Variants in IMPDH1 observed in about 807,000 individuals in gnomAD.
The protein encoded by IMPDH1 is inosine-5'-monophosphate dehydrogenase 1.
A neutral mutation model predicts 73.5 loss-of-function variants in IMPDH1; 41 were observed. The ratio of observed to expected loss-of-function variants is 0.56; its 90% CI spans 0.43 to 0.72. IMPDH1 has a LOEUF of 0.72. Among genes scored for constraint, IMPDH1 ranks in the 30% least tolerant of loss-of-function variants. The pLI, the probability that IMPDH1 is intolerant of heterozygous loss-of-function variation, is 0.00. For synonymous variants in IMPDH1, 318 were observed against 334.3 expected, an observed-to-expected ratio of 0.95 and a Z score of 0.53; for missense variants, 645 against 824.8, an observed-to-expected ratio of 0.78 and a Z score of 2.67.
Position 128,409,480 on chromosome 7 carries a change from T to C in IMPDH1, c.151A>G (p.Arg51Gly), listed in dbSNP as rs1403372495. 1.2e-6 allele frequency: 2 copies of C among 1,614,152 alleles called. No homozygotes were observed. Among genetic ancestry groups the C allele is most frequent in the African/African-American group, 1.3e-5 (1 of 75,044 alleles). The change falls in exon 2 of 17, where the codon AGA (arginine) becomes GGA (glycine). Residue 51 changes from arginine to glycine, a missense_variant. Arg to Gly is a moderately radical substitution (Grantham distance 125). This residue lies in a region of IMPDH1 where 186 missense variants were observed against 186.6 expected (regional missense o/e 1.00). Coordinates refer to ENST00000338791, the MANE Select transcript of IMPDH1 (RefSeq NM_000883.4). ...GTCGGGTGTGTAGCGAGGTCCAATC[T>C]AGGGCTAAGATTTTAGGGAAGGTTT... ...LQAGYEPESPRLDLATHPTTP... is the reference protein window; with the variant it reads ...LQAGYEPESPGLDLATHPTTP...
rs1797921123 is a variant in IMPDH1 at position 128,396,487 on chromosome 7, C to T, written c.1261+113G>A. 8.9e-6 allele frequency: 8 copies of T among 900,526 alleles called. No homozygotes were observed. The highest frequency in any genetic ancestry group is 5.6e-5 in the South Asian group (4 of 70,976). 55.8% of individuals were successfully genotyped at this position (900,526 alleles called of 1,614,324 possible). ...GGTGGGGCCCATGCCTGGGTCACCC[C>T]GGAGCCTACCATGGCAGAACAGGGC... On this transcript the variant is annotated intron_variant, in intron 12 of 16. Coordinates refer to ENST00000338791, the MANE Select transcript of IMPDH1 (RefSeq NM_000883.4). This position sits in a 1 kb window ranked among gnomAD's most constrained non-coding sequence, Gnocchi z 4.0.
At chr7:128,405,733 G>A in intron 4 of IMPDH1, 34 bp downstream of exon 4, 1 of 1,520,674 alleles carries the variant, frequency 6.6e-7, no homozygotes, top group Non-Finnish European at 8.8e-7. Context: ...GCGCGTGGAT[G>A]CGCGCACCTA....
chr7:128,396,417 C>T lies in IMPDH1; in HGVS notation c.1261+183G>A, dbSNP rs1255692066. On this transcript the variant is annotated intron_variant, in intron 12 of 16. Coordinates refer to ENST00000338791, the MANE Select transcript of IMPDH1 (RefSeq NM_000883.4). This position sits in a 1 kb window ranked among gnomAD's most constrained non-coding sequence, Gnocchi z 4.0. The stretch of plus-strand genomic sequence containing the variant: ...TCTGAGAAGCAGGCTGCAGCTCTTG[C>T]ACCCTGCTTACACCTGCCTTCCCCT... 6.6e-6 allele frequency among the ~76,000 whole-genome samples: 1 copy of T among 152,256 alleles called. No individual in the cohort carries two copies. The highest frequency in any genetic ancestry group is 1.5e-5 in the Non-Finnish European group (1 of 68,034).
Position 128,396,849 on chromosome 7 carries a change from T to C in IMPDH1, c.1165+83A>G, listed in dbSNP as rs1797952051. On this transcript the variant is annotated intron_variant, in intron 11 of 16. Coordinates refer to ENST00000338791, the MANE Select transcript of IMPDH1 (RefSeq NM_000883.4). The surrounding 1 kb of genome is among the most constrained non-coding windows in gnomAD (Gnocchi z 4.0). ...GCCACCCATGCCAGGAGCCATACCATCACCTAGGGATGCTGAAGGACAGAA... is the reference window on the plus strand; with the variant it reads ...GCCACCCATGCCAGGAGCCATACCACCACCTAGGGATGCTGAAGGACAGAA... 8.3e-7 allele frequency: 1 copy of C among 1,211,862 alleles called. No homozygotes were observed. The highest frequency in any genetic ancestry group is 1.2e-5 in the South Asian group (1 of 81,890). 75.1% of individuals were successfully genotyped at this position (1,211,862 alleles called of 1,614,324 possible).
At chr7:128,401,212 G>A (rs1798313419) in intron 5 of IMPDH1, 96 bp from the exon 6 acceptor site, 5 of 861,282 alleles carry the variant, frequency 5.8e-6, no homozygotes, top group Non-Finnish European at 9.6e-6. Context: ...ACAGGCCCTG[G>A]GGACATGGCA....
chr7:128,402,475 A>T (rs1798407503), intron 5 of IMPDH1, among the ~76,000 whole-genome samples: 1 of 152,210 alleles, frequency 6.6e-6, no homozygotes. Flanking sequence ...ACTGGCCAGT[A>T]AACTTTGTTA....
At position 128,394,528 on chromosome 7, in the gene IMPDH1, A is replaced by C; in HGVS notation, c.1622T>G (p.Phe541Cys). The part of the protein sequence containing the change: ...SIQDKGSIQK[F>C]VPYLIAGIQH... ...GATGCCTGCTATGAGGTAGGGCACG[A>C]ACTTCTGAATGGATCCTTTGTCCTG... The change falls in exon 15 of 17, where the codon TTC (phenylalanine) becomes TGC (cysteine). Residue 541 changes from phenylalanine to cysteine, a missense_variant. Coordinates refer to ENST00000338791, the MANE Select transcript of IMPDH1 (RefSeq NM_000883.4). The surrounding 1 kb of genome is among the most constrained non-coding windows in gnomAD (Gnocchi z 5.5). 6.2e-7 allele frequency: 1 copy of C among 1,613,964 alleles called. No individual in the cohort carries two copies. Among genetic ancestry groups the C allele is most frequent in the Non-Finnish European group, 8.5e-7 (1 of 1,179,974 alleles).
rs1797769213 is a variant in IMPDH1 at position 128,394,514 on chromosome 7, T to C, written c.1636A>G (p.Ile546Val). 1 of 1,613,708 alleles carries C rather than the reference T, an allele frequency of 6.2e-7. No individual in the cohort carries two copies. The highest frequency in any genetic ancestry group is 1.1e-5 in the South Asian group (1 of 91,070). Residue 546 changes from isoleucine (I) to valine (V), a missense_variant, in exon 15 of 17, where the codon ATA becomes GTA. This residue lies in a region of IMPDH1 where 459 missense variants were observed against 638.2 expected (regional missense o/e 0.72). Coordinates refer to ENST00000338791, the MANE Select transcript of IMPDH1 (RefSeq NM_000883.4). The surrounding 1 kb of genome is among the most constrained non-coding windows in gnomAD (Gnocchi z 5.5). ...GSIQKFVPYLIAGIQHGCQDI... is the reference protein window; with the variant it reads ...GSIQKFVPYLVAGIQHGCQDI... ...TGGCAGCCGTGTTGGATGCCTGCTA[T>C]GAGGTAGGGCACGAACTTCTGAATG...
rs10273872 is a variant in IMPDH1 at position 128,394,053 on chromosome 7, G to A, written c.1778+225C>T. On this transcript the variant is annotated intron_variant, in intron 16 of 16. Coordinates refer to ENST00000338791, the MANE Select transcript of IMPDH1 (RefSeq NM_000883.4). This position sits in a 1 kb window ranked among gnomAD's most constrained non-coding sequence, Gnocchi z 5.5. ...GGCCACACCTCCTGTGCCCTGCTCG[G>A]GAGAGGCCCGAGGGGAGGGGAGGGC... Among the ~76,000 whole-genome samples the A allele has an allele frequency of 0.11, 17,238 of 152,220 alleles. 985 individuals carry two copies. The highest frequency in any genetic ancestry group is 0.16 in the Middle Eastern group (46 of 294).
chr7:128,409,235 C>T, intron 3 of IMPDH1, 54 bp downstream of exon 3: 2 of 1,508,394 alleles, frequency 1.3e-6, no homozygotes, highest in South Asian at 1.2e-5. Context: ...AGGTGAGCTG[C>T]ACTGGCAGCC....
rs1451871007 is a variant in IMPDH1 at position 128,400,796 on chromosome 7, G to A, written c.579+21C>T. ...GGGGACTGCCAGGTGGCATCTTGCT[G>A]GGGACAGGCCTGGTACTTGCCTTGA... On this transcript the variant is annotated intron_variant, in intron 7 of 16. Coordinates refer to ENST00000338791, the MANE Select transcript of IMPDH1 (RefSeq NM_000883.4). 3.7e-6 allele frequency: 6 copies of A among 1,610,232 alleles called. No homozygotes were observed. In the Admixed American group the frequency reaches 6.7e-5, roughly 18 times the overall value.
At chr7:128,399,549 T>C (rs1000814884) in intron 9 of IMPDH1, among the ~76,000 whole-genome samples, 9 of 151,450 alleles carry the variant, frequency 5.9e-5, no homozygotes, top group Admixed American at 2.6e-4. Context: ...TTAGCTGGTA[T>C]AGTAGCACAT....
At chr7:128,395,500 C>G (rs1797855479) in intron 12 of IMPDH1, among the ~76,000 whole-genome samples, 1 of 152,208 alleles carries the variant, frequency 6.6e-6, no homozygotes, top group African/African-American at 2.4e-5. Context: ...ACAGGGGATT[C>G]TGACGGGGGA....
intron 3 of IMPDH1, 115 bp from the exon 4 acceptor site, chr7:128,405,980 CG>C: frequency 1.2e-6 from 1 of 864,630 alleles, no homozygotes; most frequent in Non-Finnish European, 1.4e-6. Context: ...TGCCGCGGGC[CG>C]GGCGGGCCGG....
intron 16 of IMPDH1, chr7:128,393,606 T>G: frequency 5.1e-6 from 1 of 194,930 alleles, no homozygotes; most frequent in African/African-American, 2.4e-5. Flanking sequence ...CATCTCATGG[T>G]TACACCCCAG....
At chr7:128,409,611 G>C in intron 1 of IMPDH1, 127 bp from the exon 2 acceptor site, 1 of 1,522,742 alleles carries the variant, frequency 6.6e-7, no homozygotes, top group African/African-American at 1.4e-5. Flanking sequence ...GTGGCGTTTC[G>C]GGAAGTTAGA....
chr7:128,400,638 GC>G, intron 7 of IMPDH1, 99 bp from the exon 8 acceptor site: 1 of 1,328,264 alleles, frequency 7.5e-7, no homozygotes, highest in Non-Finnish European at 1.1e-6. Context: ...CTGCAGAGAA[GC>G]CAGGACCCTC....
chr7:128,403,841 G>A lies in IMPDH1; in HGVS notation c.354-87C>T, dbSNP rs1584745381. ...GCCATGCCAGAGGAGGCAGCAGGGG[G>A]GTACAGAAAAGCCTAGAGGAGCAGA... On this transcript the variant is annotated intron_variant, in intron 4 of 16. Coordinates refer to ENST00000338791, the MANE Select transcript of IMPDH1 (RefSeq NM_000883.4). 5 of 1,207,414 alleles carry A rather than the reference G, an allele frequency of 4.1e-6. No individual in the cohort carries two copies. The East Asian group carries it at 9.3e-5, about 23-fold the overall frequency. 74.8% of individuals were successfully genotyped at this position (1,207,414 alleles called of 1,614,324 possible). A position where few individuals can be genotyped will look rare whatever the true frequency, so the allele number is the denominator to read the frequency against.
At chr7:128,409,656 C>A in intron 1 of IMPDH1, 100 bp downstream of exon 1, 1 of 1,502,446 alleles carries the variant, frequency 6.7e-7, no homozygotes. Context: ...GTTTGTGGGG[C>A]CTGCCCCTCC....
Sources: gnomAD v4.1 joint callset for allele counts (sites outside exome capture counted in the v4.1 genomes callset) on GRCh38, gnomAD v4.1.1 for gene constraint, gnomAD v4.1.1 regional missense constraint, Gnocchi (gnomAD v3.1) non-coding constraint, MANE v1.5 for transcripts, NCBI Gene and HGNC (gene_info 2026-07-23, HGNC 2026-07-21) for gene names.